Variants in CYB5R4 observed in about 807,000 individuals in gnomAD.
CYB5R4 encodes N-terminal cytochrome b5 and cytochrome b5 oxidoreductase domain-containing protein.
A neutral mutation model predicts 70.2 loss-of-function variants in CYB5R4; 55 were observed. That is an observed-to-expected ratio of 0.78 (90% confidence interval 0.63 to 0.98). The LOEUF (loss-of-function observed/expected upper bound fraction) is 0.98. Ranked by LOEUF, CYB5R4 falls within the 50% of genes least tolerant of loss-of-function variation. The pLI, the probability that CYB5R4 is intolerant of heterozygous loss-of-function variation, is 0.00. For synonymous variants in CYB5R4, 197 were observed against 199.5 expected (o/e 0.99, Z 0.11); for missense variants, 562 against 612.6 (o/e 0.92, Z 0.87).
At chr6:83,922,372 C>A in intron 8 of CYB5R4, 66 bp from the exon 9 acceptor site, 2 of 1,332,106 alleles carry the variant, frequency 1.5e-6, no homozygotes, top group Non-Finnish European at 2.1e-6. Context: ...ATTTAAATGA[C>A]ATATGGTGTT....
At chr6:83,950,842 A>G (rs1430386445) in intron 14 of CYB5R4, among the ~76,000 whole-genome samples, 1 of 152,118 alleles carries the variant, frequency 6.6e-6, no homozygotes, top group Admixed American at 6.5e-5. Context: ...TTTGTTTTGT[A>G]TATTTAAAAT....
chr6:83,940,028 C>A (rs771605372), intron 12 of CYB5R4, 28 bp from the exon 13 acceptor site: 151 of 1,018,876 alleles, frequency 1.5e-4, no homozygotes, highest in Middle Eastern at 3.0e-4. Flanking sequence ...TTTTTTTTTT[C>A]TGATTTAGCT....
chr6:83,911,804 G>A (rs773986636), intron 4 of CYB5R4, among the ~76,000 whole-genome samples: 1 of 151,994 alleles, frequency 6.6e-6, no homozygotes, highest in African/African-American at 2.4e-5. Flanking sequence ...AGCACTTTGG[G>A]ATGCCAAGGC....
intron 3 of CYB5R4, among the ~76,000 whole-genome samples, chr6:83,895,230 A>C (rs552259170): frequency 2.6e-5 from 4 of 152,072 alleles, no homozygotes; most frequent in African/African-American, 9.6e-5. Context: ...CAGTGGTGTG[A>C]TCTTGGATCA....
intron 2 of CYB5R4, among the ~76,000 whole-genome samples, chr6:83,883,695 G>A (rs2099459809): frequency 6.6e-6 from 1 of 152,184 alleles, no homozygotes; most frequent in South Asian, 2.1e-4. Context: ...ATACCAGATA[G>A]AAGTTCAGAT....
At chr6:83,916,419 A>G (rs951462510) in intron 5 of CYB5R4, among the ~76,000 whole-genome samples, 3 of 152,200 alleles carry the variant, frequency 2.0e-5, no homozygotes, top group Non-Finnish European at 4.4e-5. Flanking sequence ...CAAAAGAGAA[A>G]CAACATTAAT....
intron 14 of CYB5R4, among the ~76,000 whole-genome samples, chr6:83,946,227 G>T (rs946220132): frequency 6.6e-6 from 1 of 152,124 alleles, no homozygotes; most frequent in East Asian, 1.9e-4. Context: ...TTTCCACCAC[G>T]ATCAAGTGGG....
chr6:83,888,110 A>G (rs957456794), intron 2 of CYB5R4, among the ~76,000 whole-genome samples: 2 of 152,162 alleles, frequency 1.3e-5, no homozygotes, highest in African/African-American at 2.4e-5. Flanking sequence ...GAGTAATTGG[A>G]TGCTCAGATC....
At chr6:83,876,681 C>T (rs2099458607) in intron 2 of CYB5R4, among the ~76,000 whole-genome samples, 1 of 152,008 alleles carries the variant, frequency 6.6e-6, no homozygotes, top group Admixed American at 6.6e-5. Context: ...AAGCTGAAAA[C>T]CCCACAATAT....
At position 83,960,131 on chromosome 6, in the gene CYB5R4, G is replaced by A. The variant is rs1489849961; in HGVS notation, c.*253G>A. ...AAATACATACAGGATTCTTTGTTAT[G>A]AATCACAAATTTCCTTGCCATTTAA... On this transcript the variant is annotated 3_prime_UTR_variant, in exon 16 of 16. Transcript: ENST00000369681. The A allele has an allele frequency of 3.3e-6, 1 of 305,712 alleles. No homozygotes were observed. The highest frequency in any genetic ancestry group is 5.9e-6 in the Non-Finnish European group (1 of 168,210). 18.9% of individuals were successfully genotyped at this position (305,712 alleles called of 1,614,324 possible). A position where few individuals can be genotyped will look rare whatever the true frequency, so the allele number is the denominator to read the frequency against.
At chr6:83,911,978 G>A (rs538313404) in intron 4 of CYB5R4, among the ~76,000 whole-genome samples, 1 of 148,040 alleles carries the variant, frequency 6.8e-6, no homozygotes, top group Admixed American at 6.8e-5. Flanking sequence ...GATTTCTTGA[G>A]CCCACCAGGC....
Position 83,963,444 on chromosome 6 carries a change from T to G in CYB5R4, c.*3566T>G, listed in dbSNP as rs531025485. 3.3e-5 allele frequency: 5 copies of G among 152,276 alleles called. No homozygotes were observed. Among genetic ancestry groups the G allele is most frequent in the African/African-American group, 9.6e-5 (4 of 41,564 alleles). 9.4% of individuals were successfully genotyped at this position (152,276 alleles called of 1,614,324 possible). On this transcript the variant is annotated 3_prime_UTR_variant, in exon 16 of 16. Coordinates refer to ENST00000369681, the MANE Select transcript of CYB5R4 (RefSeq NM_016230.4). Reference sequence around the variant, plus strand: ...TCTGTTGATAACAGACCCCCATTTTTGGGCAGAAAAAACAGATTCTGTATG... The same window carrying G: ...TCTGTTGATAACAGACCCCCATTTTGGGGCAGAAAAAACAGATTCTGTATG...
chr6:83,941,161 G>C (rs2099469706), intron 14 of CYB5R4, among the ~76,000 whole-genome samples: 1 of 152,052 alleles, frequency 6.6e-6, no homozygotes, highest in South Asian at 2.1e-4. Context: ...ACAGATAATA[G>C]AAAAAAGTTC....
At chr6:83,878,543 TCA>T (rs2099458948) in intron 2 of CYB5R4, among the ~76,000 whole-genome samples, 1 of 152,160 alleles carries the variant, frequency 6.6e-6, no homozygotes, top group Admixed American at 6.5e-5. Context: ...AGACGGGGTT[TCA>T]CAGTGTTAGC....
chr6:83,921,167 T>C lies in CYB5R4; in HGVS notation c.650T>C (p.Ile217Thr), dbSNP rs772007405. Residue 217 changes from isoleucine to threonine, a missense_variant, in exon 8 of 16, where the codon ATA becomes ACA. Physicochemically the swap from Ile to Thr is moderately conservative, Grantham distance 89 (BLOSUM62 -1). Transcript: ENST00000369681. ...ETIIKDCLYL[I>T]HIGLSHEVQE... Reference sequence around the variant, plus strand: ...ATTATTAAGGATTGTTTATATCTTATACATATTGGTGAGTACTTTATTATT... The same window carrying C: ...ATTATTAAGGATTGTTTATATCTTACACATATTGGTGAGTACTTTATTATT... The C allele has an allele frequency of 9.3e-6, 14 of 1,499,554 alleles. No homozygotes were observed. Among genetic ancestry groups the C allele is most frequent in the East Asian group, 7.2e-5 (3 of 41,866 alleles). 92.9% of individuals were successfully genotyped at this position (1,499,554 alleles called of 1,614,324 possible).
rs2099473171 is a variant in CYB5R4 at position 83,960,571 on chromosome 6, A to G, written c.*693A>G. On this transcript the variant is annotated 3_prime_UTR_variant, in exon 16 of 16. Coordinates refer to ENST00000369681, the MANE Select transcript of CYB5R4 (RefSeq NM_016230.4). ...TGTGTTAACAGAGCTTGAGAGAGGGAACCTTGACAGCTATTTTTACTCTTA... is the reference window on the plus strand; with the variant it reads ...TGTGTTAACAGAGCTTGAGAGAGGGGACCTTGACAGCTATTTTTACTCTTA... 6.6e-6 allele frequency: 1 copy of G among 152,188 alleles called. No individual in the cohort carries two copies. The allele number at this position is 152,188 out of a possible 1,614,324, so 9.4% of individuals were successfully genotyped here. A position where few individuals can be genotyped will look rare whatever the true frequency, so the allele number is the denominator to read the frequency against.
chr6:83,936,443 T>C, intron 12 of CYB5R4, 67 bp downstream of exon 12: 1 of 1,388,426 alleles, frequency 7.2e-7, no homozygotes, highest in Non-Finnish European at 1.0e-6. Context: ...CCTCTAGTTA[T>C]CTCCATGTAG....
At chr6:83,951,521 G>A (rs2099471522) in intron 14 of CYB5R4, among the ~76,000 whole-genome samples, 1 of 152,110 alleles carries the variant, frequency 6.6e-6, no homozygotes, top group Non-Finnish European at 1.5e-5. Context: ...ACTTATGAGT[G>A]AGAACATGCA....
chr6:83,928,037 A>G (rs999857976), intron 10 of CYB5R4, among the ~76,000 whole-genome samples: 7 of 152,218 alleles, frequency 4.6e-5, no homozygotes, highest in East Asian at 1.9e-4. Context: ...TAGGAGCTCA[A>G]TGTCAGGAAC....
Sources: allele counts gnomAD v4.1 joint callset (sites outside exome capture counted in the v4.1 genomes callset), GRCh38; gene constraint gnomAD v4.1.1; transcripts MANE v1.5; gene names NCBI Gene and HGNC (gene_info 2026-07-23, HGNC 2026-07-21).